ANAPC7: variants seen among roughly 807,000 people sequenced by gnomAD.
The protein encoded by ANAPC7 is anaphase-promoting complex subunit 7.
ANAPC7 carries 25 observed loss-of-function variants against 63.3 expected under a neutral mutation model. The ratio of observed to expected loss-of-function variants is 0.39; its 90% confidence interval spans 0.29 to 0.55. ANAPC7 has a LOEUF of 0.55. Among genes scored for constraint, ANAPC7 ranks in the 20% least tolerant of loss-of-function variants. The probability of loss-of-function intolerance (pLI) is 0.57; values close to 1 mark genes in which losing one functional copy is unlikely to be tolerated. For synonymous variants in ANAPC7, 241 were observed against 251.7 expected (o/e 0.96, Z 0.40); for missense variants, 516 against 691.7 (o/e 0.75, Z 2.85).
rs903419669 is a variant in ANAPC7 at position 110,373,097 on chromosome 12, C to T, written c.*1047G>A. 1 of 152,116 alleles carries T rather than the reference C, an allele frequency of 6.6e-6. No individual in the cohort carries two copies. Among genetic ancestry groups the T allele is most frequent in the African/African-American group, 2.4e-5 (1 of 41,390 alleles). The allele number at this position is 152,116 out of a possible 1,614,324, so 9.4% of individuals were successfully genotyped here. A position where few individuals can be genotyped will look rare whatever the true frequency, so the allele number is the denominator to read the frequency against. On this transcript the variant is annotated 3_prime_UTR_variant, in exon 11 of 11. Coordinates refer to ENST00000455511, the MANE Select transcript of ANAPC7 (RefSeq NM_016238.3). Reference sequence around the variant, plus strand: ...CCTCCGATTAATTGTATACTCAGAGCCATCGCAACTTAAGGCACAAGGGAG... The same window carrying T: ...CCTCCGATTAATTGTATACTCAGAGTCATCGCAACTTAAGGCACAAGGGAG...
chr12:110,375,392 A>G (rs528203367), intron 10 of ANAPC7: 1 of 983,156 alleles, frequency 1.0e-6, no homozygotes, highest in African/African-American at 1.7e-5. Flanking sequence ...GAACAATTGA[A>G]TGTGATCAGA....
chr12:110,381,676 C>A (rs756538413), intron 8 of ANAPC7, 76 bp downstream of exon 8: 128 of 1,425,374 alleles, frequency 9.0e-5, no homozygotes, highest in Non-Finnish European at 1.1e-4. Context: ...GAAGTGCTGG[C>A]CTAATGAAAC....
intron 10 of ANAPC7, among the ~76,000 whole-genome samples, 196 bp from the exon 11 acceptor site, chr12:110,374,529 T>C (rs915686018): frequency 6.6e-6 from 1 of 152,230 alleles, no homozygotes. Flanking sequence ...AAGGAGTCTC[T>C]TCCTAATTTT....
chr12:110,387,578 T>A (rs550571187), intron 5 of ANAPC7, 161 bp downstream of exon 5: 28 of 742,896 alleles, frequency 3.8e-5, no homozygotes, highest in Non-Finnish European at 4.7e-5. Context: ...ATTACATGAT[T>A]ACATTTGGGA....
intron 6 of ANAPC7, among the ~76,000 whole-genome samples, chr12:110,385,026 G>C (rs1882329345): frequency 6.6e-6 from 1 of 152,212 alleles, no homozygotes; most frequent in Non-Finnish European, 1.5e-5. Flanking sequence ...CACTTAGGGA[G>C]ACTGAGGCGG....
At chr12:110,396,499 C>T in intron 1 of ANAPC7, 47 bp from the exon 2 acceptor site, 1 of 1,430,224 alleles carries the variant, frequency 7.0e-7, no homozygotes, top group Non-Finnish European at 9.4e-7. Flanking sequence ...CCCTTTCAAT[C>T]CAAGCTCCCC....
At chr12:110,379,644 G>A (rs1403719863) in intron 8 of ANAPC7, among the ~76,000 whole-genome samples, 1 of 152,136 alleles carries the variant, frequency 6.6e-6, no homozygotes, top group Non-Finnish European at 1.5e-5. Flanking sequence ...CAAATCCAGA[G>A]GCATAGCTCT....
At chr12:110,396,192 G>A in intron 2 of ANAPC7, 74 bp downstream of exon 2, 3 of 1,388,612 alleles carry the variant, frequency 2.2e-6, no homozygotes, top group Admixed American at 2.1e-5. Context: ...ACTGGGGCCT[G>A]GGGACCCTGT....
rs1013661960 is a variant in ANAPC7 at position 110,390,963 on chromosome 12, G to A, written c.409-2340C>T. 3.9e-5 allele frequency among the ~76,000 whole-genome samples: 6 copies of A among 152,278 alleles called. 1 individual carries two copies. Among genetic ancestry groups the A allele is most frequent in the African/African-American group, 1.4e-4 (6 of 41,554 alleles). On this transcript the variant is annotated intron_variant, in intron 3 of 10. Coordinates refer to ENST00000455511, the MANE Select transcript of ANAPC7 (RefSeq NM_016238.3). Reference sequence around the variant, plus strand: ...TCCTAGCACTTTGGGAGGCCGAGGTGGGTGGATCACGAGGTCAGGAGATCG... The same window carrying A: ...TCCTAGCACTTTGGGAGGCCGAGGTAGGTGGATCACGAGGTCAGGAGATCG...
chr12:110,375,506 A>G, intron 10 of ANAPC7: 1 of 964,670 alleles, frequency 1.0e-6, no homozygotes, highest in Non-Finnish European at 1.2e-6. Context: ...TTTATTTAGC[A>G]TTTACTATGT....
At chr12:110,402,749 T>C (rs2062250205) in intron 1 of ANAPC7, among the ~76,000 whole-genome samples, 1 of 152,030 alleles carries the variant, frequency 6.6e-6, no homozygotes, top group Non-Finnish European at 1.5e-5. Flanking sequence ...CCGTTTCCTT[T>C]TTTTGAGACA....
chr12:110,392,976 G>C (rs1201510348), intron 3 of ANAPC7, among the ~76,000 whole-genome samples: 1 of 152,100 alleles, frequency 6.6e-6, no homozygotes, highest in African/African-American at 2.4e-5. Flanking sequence ...TATATTTTTA[G>C]TAGAGACGGG....
intron 6 of ANAPC7, among the ~76,000 whole-genome samples, chr12:110,384,615 T>C (rs1345343731): frequency 1.4e-5 from 2 of 144,124 alleles, no homozygotes; most frequent in Non-Finnish European, 3.0e-5. Flanking sequence ...AACCAGGAGG[T>C]GGAGGTTGCA....
chr12:110,403,407 G>A (rs1297867635), intron 1 of ANAPC7, 120 bp downstream of exon 1: 2 of 1,149,940 alleles, frequency 1.7e-6, no homozygotes, highest in Non-Finnish European at 1.2e-6. Context: ...CGCAGACCCC[G>A]GAGCCTCCGC....
rs66967302 is a variant in ANAPC7 at position 110,382,461 on chromosome 12, A to AATATAT, written c.935+376_935+381dup. ...CCTTTTAAAAAAAAAAAAAAAAAAA[A>AATATAT]ATATATATATATATATATATATATA... is the stretch of plus-strand genomic sequence containing the variant. On this transcript the variant is annotated intron_variant, in intron 7 of 10. Transcript: ENST00000455511. 3.4e-3 allele frequency among the ~76,000 whole-genome samples: 106 copies of AATATAT among 30,832 alleles called. 1 individual carries two copies. The highest frequency in any genetic ancestry group is 4.2e-3 in the Non-Finnish European group (68 of 16,346). 20.2% of individuals were successfully genotyped at this position (30,832 alleles called of 152,430 possible). A position where few individuals can be genotyped will look rare whatever the true frequency, so the allele number is the denominator to read the frequency against.
At position 110,382,457 on chromosome 12, in the gene ANAPC7, AAAAAATATATATAT is replaced by A. The variant is rs1403366158; in HGVS notation, c.935+372_935+385del. 9.2e-5 allele frequency among the ~76,000 whole-genome samples: 6 copies of A among 65,232 alleles called. No homozygotes were observed. The South Asian group carries it at 1.3e-3, about 15-fold the overall frequency. The allele number at this position is 65,232 out of a possible 152,430, so 42.8% of individuals were successfully genotyped here. ...TTATCCTTTTAAAAAAAAAAAAAAA[AAAAAATATATATAT>A]ATATATATATATATATATATATATT... On this transcript the variant is annotated intron_variant, in intron 7 of 10. Transcript: ENST00000455511.
intron 7 of ANAPC7, among the ~76,000 whole-genome samples, chr12:110,382,365 G>A (rs1340282488): frequency 7.0e-6 from 1 of 142,432 alleles, no homozygotes; most frequent in African/African-American, 2.6e-5. Flanking sequence ...TTCCAAATGA[G>A]AATACAGACC....
intron 10 of ANAPC7, among the ~76,000 whole-genome samples, chr12:110,374,718 C>CA (rs1881096111): frequency 1.3e-5 from 2 of 152,076 alleles, no homozygotes; most frequent in African/African-American, 2.4e-5. Context: ...TACAGGGTTA[C>CA]AAAAAATAGG....
intron 6 of ANAPC7, 85 bp from the exon 7 acceptor site, chr12:110,383,045 C>T: frequency 2.0e-6 from 2 of 1,007,988 alleles, no homozygotes; most frequent in African/African-American, 1.6e-5. Context: ...CAACATCAGA[C>T]CCCATGCTGA....
Sources: gnomAD v4.1 joint callset for allele counts (sites outside exome capture counted in the v4.1 genomes callset) on GRCh38, gnomAD v4.1.1 for gene constraint, MANE v1.5 for transcripts, NCBI Gene and HGNC (gene_info 2026-07-23, HGNC 2026-07-21) for gene names.